The following TRPM7 variants were observed in gnomAD, a reference collection of about 807,000 sequenced individuals.
TRPM7 encodes LTRPC ion channel family member 7.
In TRPM7, 134 loss-of-function variants were observed where a neutral mutation model predicts 229.7. The ratio of observed to expected loss-of-function variants is 0.58; its 90% CI spans 0.51 to 0.67. TRPM7 has a LOEUF of 0.67. Ranked by LOEUF, TRPM7 falls within the 30% of genes least tolerant of loss-of-function variation. The pLI is 0.00. For missense variants in TRPM7, 1,901 were observed against 2,210.0 expected (o/e 0.86, Z 2.80); for synonymous variants, 699 against 715.2 (o/e 0.98, Z 0.36).
intron 36 of TRPM7, among the ~76,000 whole-genome samples, chr15:50,573,149 C>T (rs1465005744): frequency 2.0e-5 from 3 of 152,192 alleles, no homozygotes; most frequent in Non-Finnish European, 4.4e-5. Context: ...ATTTTTCCCT[C>T]TATAGATGCA....
intron 35 of TRPM7, 74 bp from the exon 36 acceptor site, chr15:50,574,553 TTAAA>T (rs1331177313): frequency 1.2e-5 from 19 of 1,548,540 alleles, no homozygotes; most frequent in Non-Finnish European, 1.5e-5. Flanking sequence ...AAATGGATAA[TTAAA>T]TATTCAACAT....
At chr15:50,562,495 T>C (rs2053361339) in intron 38 of TRPM7, among the ~76,000 whole-genome samples, 1 of 151,872 alleles carries the variant, frequency 6.6e-6, no homozygotes, top group South Asian at 2.1e-4. Context: ...GAAGGCAGGG[T>C]GCAGTGGCTC....
chr15:50,588,036 G>A (rs1055796878), intron 27 of TRPM7, among the ~76,000 whole-genome samples: 1 of 152,072 alleles, frequency 6.6e-6, no homozygotes, highest in African/African-American at 2.4e-5. Flanking sequence ...TTAGCTCTCA[G>A]TCTAAATATG....
At chr15:50,612,881 T>C (rs2060101421) in intron 15 of TRPM7, 52 bp from the exon 16 acceptor site, 1 of 1,497,812 alleles carries the variant, frequency 6.7e-7, no homozygotes, top group African/African-American at 1.4e-5. Flanking sequence ...CCATATGAAA[T>C]TTATGTCAGT....
rs3784299 is a variant in TRPM7, at chr15:50,560,857, G to A, written c.*821C>T. ...GGTTGTTGCTATAGATACAGATAGG[G>A]AAAAAAGTACTTTAACTTTCCTCAA... On this transcript the variant is annotated 3_prime_UTR_variant, in exon 39 of 39. Coordinates refer to ENST00000646667, the MANE Select transcript of TRPM7 (RefSeq NM_017672.6). The A allele has an allele frequency of 7.0e-3, 1,068 of 152,642 alleles. 23 individuals are homozygous for A. Among genetic ancestry groups the A allele is most frequent in the East Asian group, 0.031 (160 of 5,192 alleles). 9.5% of individuals were successfully genotyped at this position (152,642 alleles called of 1,614,324 possible). A position where few individuals can be genotyped will look rare whatever the true frequency, so the allele number is the denominator to read the frequency against.
chr15:50,672,489 C>G (rs150472297), intron 1 of TRPM7, among the ~76,000 whole-genome samples: 1 of 152,072 alleles, frequency 6.6e-6, no homozygotes, highest in Non-Finnish European at 1.5e-5. Context: ...TTCCATGAGG[C>G]AAGATGAGAG....
chr15:50,567,152 T>A (rs960308635), intron 38 of TRPM7, among the ~76,000 whole-genome samples: 4 of 152,076 alleles, frequency 2.6e-5, no homozygotes, highest in African/African-American at 9.6e-5. Context: ...ATGCTTAGTT[T>A]ATTTTTTTAT....
intron 1 of TRPM7, among the ~76,000 whole-genome samples, chr15:50,678,246 A>AAAAAC (rs2062143059): frequency 7.0e-6 from 1 of 142,504 alleles, no homozygotes; most frequent in African/African-American, 2.6e-5. Context: ...TCTCAAAAAA[A>AAAAAC]AAAAACAAAA....
chr15:50,681,312 C>T, intron 1 of TRPM7, among the ~76,000 whole-genome samples: 1 of 147,954 alleles, frequency 6.8e-6, no homozygotes, highest in East Asian at 1.9e-4. Flanking sequence ...AGAGCAATGG[C>T]CACAGCTAAA....
chr15:50,646,361 C>A (rs1158295098), intron 4 of TRPM7, among the ~76,000 whole-genome samples: 1 of 152,292 alleles, frequency 6.6e-6, no homozygotes, highest in East Asian at 1.9e-4. Context: ...AGGCTCACTG[C>A]AGCCTCAACT....
At chr15:50,563,930 G>A (rs1316851209) in intron 38 of TRPM7, among the ~76,000 whole-genome samples, 1 of 152,038 alleles carries the variant, frequency 6.6e-6, no homozygotes, top group Non-Finnish European at 1.5e-5. Context: ...CACGATCTCG[G>A]CTCACTGAAA....
chr15:50,680,049 C>A (rs755498208), intron 1 of TRPM7, among the ~76,000 whole-genome samples: 6 of 151,956 alleles, frequency 3.9e-5, no homozygotes, highest in African/African-American at 1.5e-4. Flanking sequence ...GCCTGGTCAA[C>A]ATGGTGAAAC....
chr15:50,658,394 G>A (rs544351005), intron 2 of TRPM7, among the ~76,000 whole-genome samples: 8 of 151,640 alleles, frequency 5.3e-5, no homozygotes, highest in Admixed American at 1.3e-4. Flanking sequence ...GCAACAAAGC[G>A]AAACTCCGTC....
At chr15:50,602,378 T>C (rs1258169422) in intron 21 of TRPM7, among the ~76,000 whole-genome samples, 1 of 151,952 alleles carries the variant, frequency 6.6e-6, no homozygotes, top group African/African-American at 2.4e-5. Context: ...CACCGGGGCC[T>C]GTCATGGGGT....
intron 15 of TRPM7, 83 bp downstream of exon 15, chr15:50,613,624 T>C: frequency 2.4e-6 from 3 of 1,235,412 alleles, no homozygotes; most frequent in South Asian, 2.2e-5. Flanking sequence ...CTAAATCAAT[T>C]AGTTTTTTTT....
At chr15:50,628,381 C>A (rs1181625575) in intron 10 of TRPM7, 132 bp from the exon 11 acceptor site, 6 of 600,606 alleles carry the variant, frequency 1.0e-5, no homozygotes, top group Non-Finnish European at 1.8e-5. Context: ...GATCATGGCT[C>A]ACTGCAGCCT....
chr15:50,639,325 G>A (rs1328863093), intron 6 of TRPM7, 99 bp downstream of exon 6: 4 of 1,073,726 alleles, frequency 3.7e-6, no homozygotes, highest in Non-Finnish European at 4.9e-6. Flanking sequence ...AATTTGAAAA[G>A]TATAATATAA....
intron 1 of TRPM7, among the ~76,000 whole-genome samples, chr15:50,672,589 A>G (rs969067807): frequency 2.4e-4 from 36 of 152,044 alleles, no homozygotes; most frequent in Admixed American, 2.0e-4. Flanking sequence ...AAAAGTTTAA[A>G]AAGTAAAATA....
chr15:50,629,524 C>T (rs1408608220), intron 10 of TRPM7, among the ~76,000 whole-genome samples: 1 of 135,500 alleles, frequency 7.4e-6, no homozygotes, highest in African/African-American at 3.0e-5. Context: ...CTGCTTGCCT[C>T]AGCCTCCCAA....
Sources: allele counts gnomAD v4.1 joint callset (sites outside exome capture counted in the v4.1 genomes callset), GRCh38; gene constraint gnomAD v4.1.1; transcripts MANE v1.5; gene names NCBI Gene and HGNC (gene_info 2026-07-23, HGNC 2026-07-21).